Variants in TXNDC16 observed in about 807,000 individuals in gnomAD.
The protein encoded by TXNDC16 is thioredoxin domain-containing protein 16.
TXNDC16 carries 74 observed loss-of-function variants against 85.6 expected under a neutral mutation model. That is an observed-to-expected ratio of 0.86 (90% CI 0.72 to 1.05). The LOEUF (loss-of-function observed/expected upper bound fraction) is 1.05, where lower values mean the gene tolerates loss of function less well. Ranked by LOEUF, TXNDC16 falls within the 50% of genes least tolerant of loss-of-function variation. The pLI is 0.00. For missense variants in TXNDC16, 959 were observed against 947.0 expected, an observed-to-expected ratio of 1.01 and a Z score of -0.17; for synonymous variants, 335 against 326.5, an observed-to-expected ratio of 1.03 and a Z score of -0.28.
Position 52,511,430 on chromosome 14 carries a change from T to C in TXNDC16, c.606-40A>G, listed in dbSNP as rs778334845. 25 of 1,378,462 alleles carry C rather than the reference T, an allele frequency of 1.8e-5. No individual in the cohort carries two copies. The Admixed American group carries it at 2.9e-4, about 16-fold the overall frequency. 85.4% of individuals were successfully genotyped at this position (1,378,462 alleles called of 1,614,324 possible). ...TTAATTAACTTAATGAAGTTCAATA[T>C]GTGATCCTTCTACCATCCAATAAGC... On this transcript the variant is annotated intron_variant, in intron 8 of 20. Transcript: ENST00000281741.
At chr14:52,499,265 C>A (rs1475154232) in intron 9 of TXNDC16, among the ~76,000 whole-genome samples, 2 of 151,988 alleles carry the variant, frequency 1.3e-5, no homozygotes, top group Non-Finnish European at 2.9e-5. Flanking sequence ...AAATGGGCAA[C>A]AATTTCTTGG....
chr14:52,545,197 T>C (rs930825313), intron 1 of TXNDC16, among the ~76,000 whole-genome samples: 1 of 152,186 alleles, frequency 6.6e-6, no homozygotes, highest in Non-Finnish European at 1.5e-5. Flanking sequence ...TAACACTAAA[T>C]TGGACATCAG....
intron 4 of TXNDC16, among the ~76,000 whole-genome samples, chr14:52,538,788 T>C (rs2037762508): frequency 6.6e-6 from 1 of 152,176 alleles, no homozygotes; most frequent in South Asian, 2.1e-4. Context: ...GTTTTCCTGT[T>C]GTTCAATTTA....
At chr14:52,511,465 G>T in intron 8 of TXNDC16, 75 bp from the exon 9 acceptor site, 1 of 998,066 alleles carries the variant, frequency 1.0e-6, no homozygotes, top group South Asian at 2.7e-5. Flanking sequence ...CTGTAACAAT[G>T]AATTTTGTCT....
chr14:52,433,442 C>T (rs1472648939), intron 20 of TXNDC16, among the ~76,000 whole-genome samples: 3 of 152,038 alleles, frequency 2.0e-5, no homozygotes, highest in Non-Finnish European at 4.4e-5. Flanking sequence ...ACAAAGTAAA[C>T]CTTTTAAAAA....
At chr14:52,488,280 G>C in intron 12 of TXNDC16, 83 bp downstream of exon 12, 3 of 1,520,858 alleles carry the variant, frequency 2.0e-6, no homozygotes, top group Admixed American at 2.0e-5. Context: ...CACATTCTTG[G>C]AGAAAGTTAA....
intron 6 of TXNDC16, among the ~76,000 whole-genome samples, chr14:52,525,829 T>G (rs1471453122): frequency 6.6e-6 from 1 of 151,702 alleles, no homozygotes. Flanking sequence ...GATTGATTCT[T>G]GGATACCAAA....
chr14:52,512,369 G>A (rs999638178), intron 8 of TXNDC16, among the ~76,000 whole-genome samples: 1 of 152,090 alleles, frequency 6.6e-6, no homozygotes, highest in African/African-American at 2.4e-5. Context: ...AAATTAGGAA[G>A]GAGAAGGAAG....
rs750982861 is a variant in TXNDC16, at chr14:52,519,187, C to T, written c.499G>A (p.Ala167Thr). The part of the protein sequence containing the change: ...KANIIFSYVR[A>T]IGIPEHRAVM... ...TAAAGAATACCTGGTATTCCAATGGCTCTTACATATGAGAATATAATATTT... is the reference window on the plus strand; with the variant it reads ...TAAAGAATACCTGGTATTCCAATGGTTCTTACATATGAGAATATAATATTT... Residue 167 changes from alanine (A) to threonine (T), a missense_variant, in exon 7 of 21, where the codon GCC (alanine) becomes ACC (threonine). Ala to Thr is a moderately conservative substitution (Grantham distance 58). Coordinates refer to ENST00000281741, the MANE Select transcript of TXNDC16 (RefSeq NM_020784.3). The T allele has an allele frequency of 3.7e-6, 6 of 1,610,666 alleles. No homozygotes were observed. In the South Asian group the frequency reaches 5.5e-5, roughly 15 times the overall value.
At position 52,488,442 on chromosome 14, in the gene TXNDC16, T is replaced by C. The variant is rs2036320775; in HGVS notation, c.1029A>G (p.Ile343Met). 1 of 1,611,614 alleles carries C rather than the reference T, an allele frequency of 6.2e-7. No individual in the cohort carries two copies. The highest frequency in any genetic ancestry group is 8.5e-7 in the Non-Finnish European group (1 of 1,177,920). ...EFLVLHDVDL[I>M]ISHVENNMHI... Reference sequence around the variant, plus strand: ...GCATATTATTTTCCACATGAGATATTATTAAATCAACATCATGTAATACCA... The same window carrying C: ...GCATATTATTTTCCACATGAGATATCATTAAATCAACATCATGTAATACCA... The change falls in exon 12 of 21, where the codon ATA becomes ATG. Residue 343 changes from isoleucine to methionine, a missense_variant. Ile to Met is a conservative substitution (Grantham distance 10). Coordinates refer to ENST00000281741, the MANE Select transcript of TXNDC16 (RefSeq NM_020784.3).
At chr14:52,531,373 G>T (rs1269704984) in intron 6 of TXNDC16, among the ~76,000 whole-genome samples, 1 of 152,156 alleles carries the variant, frequency 6.6e-6, no homozygotes, top group Non-Finnish European at 1.5e-5. Flanking sequence ...AAATATGGAT[G>T]TTAATAGCAA....
At position 52,525,318 on chromosome 14, in the gene TXNDC16, C is replaced by T. The variant is rs185499869; in HGVS notation, c.393-6025G>A. 8.3e-3 allele frequency among the ~76,000 whole-genome samples: 1,260 copies of T among 151,978 alleles called. 11 individuals carry two copies. Among genetic ancestry groups the T allele is most frequent in the South Asian group, 0.018 (85 of 4,804 alleles). On this transcript the variant is annotated intron_variant, in intron 6 of 20. Coordinates refer to ENST00000281741, the MANE Select transcript of TXNDC16 (RefSeq NM_020784.3). Reference sequence around the variant, plus strand: ...TATTTTCACGTGTTATTTTGATCATCGCAATAATCTCATGAGGCTGCAAGT... The same window carrying T: ...TATTTTCACGTGTTATTTTGATCATTGCAATAATCTCATGAGGCTGCAAGT...
chr14:52,446,243 G>A (rs2035281135), intron 18 of TXNDC16, among the ~76,000 whole-genome samples: 1 of 152,236 alleles, frequency 6.6e-6, no homozygotes. Flanking sequence ...CATGAAGAGA[G>A]AATCTATGTG....
At chr14:52,464,076 G>A (rs375463131) in intron 16 of TXNDC16, among the ~76,000 whole-genome samples, 1 of 152,120 alleles carries the variant, frequency 6.6e-6, no homozygotes, top group African/African-American at 2.4e-5. Flanking sequence ...CTTGTATTGC[G>A]AGATGACTGT....
intron 14 of TXNDC16, among the ~76,000 whole-genome samples, chr14:52,479,458 A>C (rs546218989): frequency 9.2e-5 from 14 of 152,318 alleles, no homozygotes; most frequent in African/African-American, 3.4e-4. Flanking sequence ...AAAACAATTC[A>C]GCAAAGTACC....
At chr14:52,470,391 C>T (rs1383032431) in intron 15 of TXNDC16, 121 bp downstream of exon 15, 2 of 1,191,372 alleles carry the variant, frequency 1.7e-6, no homozygotes, top group Non-Finnish European at 2.3e-6. Flanking sequence ...CATAAATATT[C>T]ATTTTGTGAT....
intron 6 of TXNDC16, among the ~76,000 whole-genome samples, chr14:52,530,258 T>TAATAATATATAATATATATTATATA (rs1555342441): frequency 1.7e-5 from 1 of 59,426 alleles, no homozygotes; most frequent in African/African-American, 7.0e-5. Flanking sequence ...ATATATATTA[T>TAATAATATATAATATATATTATATA]ATAATATATA....
intron 18 of TXNDC16, 55 bp downstream of exon 18, chr14:52,455,269 T>G (rs1160092500): frequency 2.5e-6 from 4 of 1,601,022 alleles, no homozygotes; most frequent in Non-Finnish European, 2.6e-6. Context: ...ATATACTACC[T>G]TTGACTGATC....
At chr14:52,505,970 T>C (rs1269079149) in intron 9 of TXNDC16, among the ~76,000 whole-genome samples, 1 of 152,130 alleles carries the variant, frequency 6.6e-6, no homozygotes, top group East Asian at 1.9e-4. Context: ...CTAGAAAATC[T>C]AGAAGAAATA....
Sources: allele counts gnomAD v4.1 joint callset (sites outside exome capture counted in the v4.1 genomes callset), GRCh38; gene constraint gnomAD v4.1.1; transcripts MANE v1.5; gene names NCBI Gene and HGNC (gene_info 2026-07-23, HGNC 2026-07-21).